THNSL1: variants seen among roughly 807,000 people sequenced by gnomAD.
THNSL1 encodes threonine synthase-like 1.
THNSL1 carries 48 observed loss-of-function variants against 50.4 expected under a neutral mutation model. The observed-to-expected ratio is 0.95, with a 90% CI of 0.76 to 1.21. The LOEUF is 1.21. Among genes scored for constraint, THNSL1 ranks in the 50% most tolerant of loss-of-function variants. The pLI, the probability that THNSL1 is intolerant of heterozygous loss-of-function variation, is 0.00. For missense variants in THNSL1, 896 were observed against 871.7 expected, an observed-to-expected ratio of 1.03 and a Z score of -0.35; for synonymous variants, 309 against 306.1, an observed-to-expected ratio of 1.01 and a Z score of -0.10.
At chr10:25,001,867 T>C in the THNSL1 span, among the ~76,000 whole-genome samples, 1 of 152,350 alleles carries the variant, frequency 6.6e-6, no homozygotes. Flanking sequence ...TGTTTTCTCT[T>C]GGTTATGCAT....
the THNSL1 span, among the ~76,000 whole-genome samples, chr10:24,957,461 TTGA>T: frequency 8.1e-6 from 1 of 122,936 alleles, no homozygotes; most frequent in African/African-American, 3.9e-5. Flanking sequence ...TTATTTTGAG[TTGA>T]TGTTTGTTTG....
the THNSL1 span, among the ~76,000 whole-genome samples, chr10:25,000,794 T>C: frequency 6.6e-6 from 1 of 152,146 alleles, no homozygotes; most frequent in African/African-American, 2.4e-5. Context: ...AATTTGTTTC[T>C]GCTTAAAGTT....
chr10:24,995,665 G>T, the THNSL1 span: 9 of 1,612,314 alleles, frequency 5.6e-6, no homozygotes, highest in Non-Finnish European at 6.8e-6. Context: ...GATGTACTTT[G>T]GAACTAGTCC....
At chr10:24,956,806 T>C in the THNSL1 span, among the ~76,000 whole-genome samples, 5 of 152,204 alleles carry the variant, frequency 3.3e-5, no homozygotes, top group Non-Finnish European at 2.9e-5. Flanking sequence ...GGAACTGAGC[T>C]GCACTGTAGG....
chr10:24,992,267 T>C, the THNSL1 span, among the ~76,000 whole-genome samples: 5 of 152,250 alleles, frequency 3.3e-5, no homozygotes, highest in East Asian at 1.9e-4. Context: ...AATGAAATAA[T>C]ATGTATGTGT....
rs763779047 is a variant in THNSL1 at position 25,025,471 on chromosome 10, A to AT, written c.*25dup. On this transcript the variant is annotated 3_prime_UTR_variant, in exon 3 of 3. Coordinates refer to ENST00000376356, the MANE Select transcript of THNSL1 (RefSeq NM_024838.5). ...ATTCATATGAAAGCTTTCAGAGTAA[A>AT]TTTTTTTTTCTAGCTATAAGCATGC... The AT allele has an allele frequency of 1.1e-4, 172 of 1,579,684 alleles. No homozygotes were observed. The highest frequency in any genetic ancestry group is 1.0e-3 in the South Asian group (89 of 84,952).
In THNSL1 at chr10:25,021,870, GGAAAT is replaced by G. The variant is rs1850725638; in HGVS notation, c.-83_-79del. The stretch of plus-strand genomic sequence containing the variant: ...ACATATAAATTGAAAAGTCAAATAA[GGAAAT>G]GAATTACCTCCCTTGACGGCTCTAA... On this transcript the variant is annotated 5_prime_UTR_variant, in exon 2 of 3. It removes an upstream start codon present in the reference 5' UTR. Transcript: ENST00000376356. The G allele has an allele frequency of 6.6e-6, 1 of 152,058 alleles. No individual in the cohort carries two copies. The highest frequency in any genetic ancestry group is 1.5e-5 in the Non-Finnish European group (1 of 68,002). 9.4% of individuals were successfully genotyped at this position (152,058 alleles called of 1,614,324 possible).
At chr10:24,952,474 T>C in the THNSL1 span, 1 of 1,526,328 alleles carries the variant, frequency 6.6e-7, no homozygotes, top group African/African-American at 1.4e-5. This position sits in a 1 kb window ranked among gnomAD's most constrained non-coding sequence, Gnocchi z 5.1. Flanking sequence ...ACAAGCAGGG[T>C]GCCAGGGAGG....
the THNSL1 span, among the ~76,000 whole-genome samples, chr10:24,996,180 GC>G: frequency 2.6e-5 from 4 of 152,214 alleles, no homozygotes; most frequent in African/African-American, 9.7e-5. Flanking sequence ...GGGCACGGTG[GC>G]CCACGGTGAC....
chr10:25,004,199 C>T, the THNSL1 span, among the ~76,000 whole-genome samples: 1 of 152,136 alleles, frequency 6.6e-6, no homozygotes, highest in Non-Finnish European at 1.5e-5. Context: ...TAGGTTGATT[C>T]CATGTCTTTG....
At chr10:25,002,970 C>T in the THNSL1 span, among the ~76,000 whole-genome samples, 10,033 of 151,730 alleles carry the variant, frequency 0.066, 1,084 homozygotes, top group African/African-American at 0.23. Context: ...TTTGTAAACC[C>T]ATGATTCAAT....
chr10:24,999,539 A>G, the THNSL1 span: 1 of 1,604,684 alleles, frequency 6.2e-7, no homozygotes, highest in South Asian at 1.1e-5. Flanking sequence ...TTAAAAATGG[A>G]TATGTACCTA....
chr10:24,961,341 A>G, the THNSL1 span, among the ~76,000 whole-genome samples: 9 of 152,218 alleles, frequency 5.9e-5, no homozygotes, highest in Non-Finnish European at 1.3e-4. Context: ...ACCATTCCCC[A>G]GTATAAGTAT....
upstream of THNSL1, among the ~76,000 whole-genome samples, chr10:25,015,433 C>G (rs1211596075): frequency 1.3e-5 from 2 of 152,138 alleles, no homozygotes; most frequent in African/African-American, 4.8e-5. Context: ...AAGTCCTATC[C>G]TATCCCATTA....
chr10:25,010,333 G>A, the THNSL1 span, among the ~76,000 whole-genome samples: 1 of 152,170 alleles, frequency 6.6e-6, no homozygotes, highest in African/African-American at 2.4e-5. Flanking sequence ...CCGGGCATCT[G>A]ATGGAAGAAA....
At chr10:24,962,406 A>G in the THNSL1 span, among the ~76,000 whole-genome samples, 6 of 152,222 alleles carry the variant, frequency 3.9e-5, no homozygotes, top group Non-Finnish European at 5.9e-5. Flanking sequence ...TGTTTGGAAT[A>G]TAAAGGACAA....
the THNSL1 span, among the ~76,000 whole-genome samples, chr10:25,001,316 T>A: frequency 5.9e-4 from 89 of 152,008 alleles, no homozygotes; most frequent in African/African-American, 2.0e-3. Context: ...TGTTTTAAAC[T>A]TTTTTTCTCT....
upstream of THNSL1, chr10:25,016,156 T>C: frequency 1.7e-6 from 2 of 1,209,844 alleles, no homozygotes; most frequent in Non-Finnish European, 2.1e-6. Context: ...CGTCGTTGAC[T>C]GTGCGGTTGC....
the THNSL1 span, chr10:24,999,419 C>T: frequency 5.0e-6 from 8 of 1,607,712 alleles, no homozygotes; most frequent in African/African-American, 9.4e-5. Flanking sequence ...AGAGTTTTTT[C>T]CTTTGAATGT....
Sources: allele counts gnomAD v4.1 joint callset (sites outside exome capture counted in the v4.1 genomes callset), GRCh38; gene constraint gnomAD v4.1.1; non-coding constraint Gnocchi (gnomAD v3.1); transcripts MANE v1.5; gene names NCBI Gene and HGNC (gene_info 2026-07-23, HGNC 2026-07-21).